The following CDC42BPG variants were observed in gnomAD, a reference collection of about 807,000 sequenced individuals.
CDC42BPG encodes the protein CDC42 binding protein kinase gamma.
A neutral mutation model predicts 192.2 loss-of-function variants in CDC42BPG; 157 were observed. The ratio of observed to expected loss-of-function variants is 0.82; its 90% CI spans 0.72 to 0.93. The LOEUF is 0.93. Ranked by LOEUF, CDC42BPG falls within the 40% of genes least tolerant of loss-of-function variation. CDC42BPG has a pLI of 0.00. For missense variants in CDC42BPG, 1,992 were observed against 2,122.1 expected, an observed-to-expected ratio of 0.94 and a Z score of 1.20; for synonymous variants, 981 against 918.5, an observed-to-expected ratio of 1.07 and a Z score of -1.23.
intron 36 of CDC42BPG, 27 bp from the exon 37 acceptor site, chr11:64,824,556 G>C (rs1338934851): frequency 1.3e-6 from 2 of 1,560,184 alleles, no homozygotes; most frequent in Admixed American, 1.7e-5. Flanking sequence ...AGGAAGTCAA[G>C]GGGTAGGATC....
Position 64,824,509 on chromosome 11 carries a change from G to C in CDC42BPG, c.4620C>G (p.Ser1540Arg). Residue 1540 changes from serine (S) to arginine (R), a missense_variant, in exon 37 of 37, where the codon AGC becomes AGG. Transcript: ENST00000342711. ...TCTCCAATTCAGGGGATAGGGGGAG[G>C]CTTCGGGGCCGTTCTGAGACCTGCA... The part of the protein sequence containing the change: ...SLMQVSERPR[S>R]LPLSPELESS... The C allele has an allele frequency of 6.2e-7, 1 of 1,608,514 alleles. No individual in the cohort carries two copies. The highest frequency in any genetic ancestry group is 8.5e-7 in the Non-Finnish European group (1 of 1,174,890).
rs750631432 is a variant in CDC42BPG at position 64,827,071 on chromosome 11, G to T, written c.4368C>A (p.Pro1456=). The change falls in exon 34 of 37, where the codon CCC becomes CCA. Residue 1456 remains proline, a synonymous_variant. Transcript: ENST00000342711. ...LVHVGPANGR[P]GARDKSPAPE... Reference sequence around the variant, plus strand: ...TAACCGGGGACTTGTCCCTGGCGCCGGGCCGCCCGTTGGCAGGGCCCACGT... The same window carrying T: ...TAACCGGGGACTTGTCCCTGGCGCCTGGCCGCCCGTTGGCAGGGCCCACGT... 3.1e-6 allele frequency: 5 copies of T among 1,612,556 alleles called. No homozygotes were observed. Among genetic ancestry groups the T allele is most frequent in the African/African-American group, 2.7e-5 (2 of 75,004 alleles).
intron 12 of CDC42BPG, 23 bp from the exon 13 acceptor site, chr11:64,836,319 G>C (rs751726060): frequency 1.9e-6 from 3 of 1,608,168 alleles, no homozygotes; most frequent in Non-Finnish European, 2.5e-6. Flanking sequence ...GGGAGGGAGC[G>C]GGGAAGGACA....
Position 64,829,639 on chromosome 11 carries a change from C to T in CDC42BPG, c.3799G>A (p.Glu1267Lys), listed in dbSNP as rs1324343382. 3 of 1,611,660 alleles carry T rather than the reference C, an allele frequency of 1.9e-6. No homozygotes were observed. Among genetic ancestry groups the T allele is most frequent in the East Asian group, 2.2e-5 (1 of 44,834 alleles). ...CCCCCGCGGGATGGTGGCAGCTCCT[C>T]AGGCACCAAACCGGCCCCCAGCGCC... ...PLALGAGLVP[E>K]ELPPSRGGLG... The change falls in exon 30 of 37, where the codon GAG (glutamate) becomes AAG (lysine). Residue 1267 changes from glutamate (E) to lysine (K), a missense_variant. By Grantham distance (56) the Glu-to-Lys change is moderately conservative. Around this residue, in one of 2 missense-constraint regions of CDC42BPG, gnomAD observed 1,656 missense variants for 1,844.3 expected, o/e 0.90. Coordinates refer to ENST00000342711, the MANE Select transcript of CDC42BPG (RefSeq NM_017525.3).
At position 64,840,269 on chromosome 11, in the gene CDC42BPG, C is replaced by T; in HGVS notation, c.433-1G>A. ...CAGCATAGTAGTCCATCACAAGGTA[C>T]TGGAGGTGGCGGACAAGAATCAGAC... On this transcript the variant is annotated splice_acceptor_variant, in intron 4 of 36. Coordinates refer to ENST00000342711, the MANE Select transcript of CDC42BPG (RefSeq NM_017525.3). LOFTEE classifies it high-confidence loss of function. The T allele has an allele frequency of 3.1e-6, 5 of 1,609,652 alleles. No individual in the cohort carries two copies. The highest frequency in any genetic ancestry group is 4.2e-6 in the Non-Finnish European group (5 of 1,179,160).
intron 13 of CDC42BPG, 28 bp downstream of exon 13, chr11:64,836,089 G>A (rs1337021223): frequency 1.3e-6 from 2 of 1,572,824 alleles, no homozygotes; most frequent in East Asian, 2.3e-5. Flanking sequence ...GGGCCCAGGT[G>A]CTGTCCCTAC....
chr11:64,841,857 C>A lies in CDC42BPG; in HGVS notation c.208G>T (p.Asp70Tyr). Residue 70 changes from aspartate (D) to tyrosine (Y), a missense_variant, in exon 2 of 37, where the codon GAC (aspartate) becomes TAC (tyrosine). By Grantham distance (160) the Asp-to-Tyr change is radical. Transcript: ENST00000342711. ...CCGATCACCTTCAAGATCTCAAAGT[C>A]ATCTCTCTGCAGACGCAGTTCTTTC... ...KVKELRLQRD[D>Y]FEILKVIGRG... The A allele has an allele frequency of 6.2e-7, 1 of 1,613,968 alleles. No individual in the cohort carries two copies. Among genetic ancestry groups the A allele is most frequent in the Non-Finnish European group, 8.5e-7 (1 of 1,179,982 alleles).
Position 64,829,815 on chromosome 11 carries a change from A to G in CDC42BPG, c.3623T>C (p.Leu1208Pro). ...CTGCCAGGGCCCAGGGCCCGGGCCCAGCTGGTAGCAGAGCACCTGGCGCTT... is the reference window on the plus strand; with the variant it reads ...CTGCCAGGGCCCAGGGCCCGGGCCCGGCTGGTAGCAGAGCACCTGGCGCTT... ...AVKRQVLCYQ[L>P]GPGPGPWQRR... Residue 1208 changes from leucine to proline, a missense_variant, in exon 30 of 37, where the codon CTG becomes CCG. Leu to Pro is a moderately conservative substitution (Grantham distance 98). Transcript: ENST00000342711. 6.2e-7 allele frequency: 1 copy of G among 1,604,674 alleles called. No homozygotes were observed. Among genetic ancestry groups the G allele is most frequent in the Non-Finnish European group, 8.5e-7 (1 of 1,177,268 alleles).
intron 3 of CDC42BPG, 88 bp downstream of exon 3, chr11:64,841,562 C>A: frequency 3.1e-6 from 3 of 969,584 alleles, no homozygotes; most frequent in Admixed American, 2.0e-5. Context: ...GCCTTGCCCG[C>A]CCCCCCCGCG....
intron 20 of CDC42BPG, 129 bp downstream of exon 20, chr11:64,834,137 G>A: frequency 7.3e-7 from 1 of 1,373,276 alleles, no homozygotes; most frequent in Admixed American, 1.9e-5. Context: ...ACAGATGATG[G>A]AGTAAGCGGC....
rs761947004 is a variant in CDC42BPG, at chr11:64,827,411, T to G, written c.4151-13A>C. The G allele has an allele frequency of 6.2e-7, 1 of 1,612,666 alleles. No individual in the cohort carries two copies. The highest frequency in any genetic ancestry group is 1.1e-5 in the South Asian group (1 of 91,064). Reference sequence around the variant, plus strand: ...AACTCGTCCTTCTCTGTGGGAGAAGTGGAGAGCTGGGCTGTGCTCACACAT... The same window carrying G: ...AACTCGTCCTTCTCTGTGGGAGAAGGGGAGAGCTGGGCTGTGCTCACACAT... On this transcript the variant is annotated splice_polypyrimidine_tract_variant and intron_variant, in intron 32 of 36. Coordinates refer to ENST00000342711, the MANE Select transcript of CDC42BPG (RefSeq NM_017525.3).
chr11:64,833,231 C>A lies in CDC42BPG; in HGVS notation c.2731G>T (p.Ala911Ser). 1 of 1,546,932 alleles carries A rather than the reference C, an allele frequency of 6.5e-7. No homozygotes were observed. Among genetic ancestry groups the A allele is most frequent in the Non-Finnish European group, 8.7e-7 (1 of 1,144,364 alleles). ...GAGCATAGTGGGTGGGGACTCTCAC[C>A]ATCACAACCCAGGCCCTGGCGGCCC... ...GLGRQGLGCDACGYFCHTTCA... is the reference protein window; with the variant it reads ...GLGRQGLGCDSCGYFCHTTCA... The change falls in exon 24 of 37, where the codon GCC becomes TCC. Residue 911 changes from alanine (A) to serine (S), a missense_variant and splice_region_variant. Physicochemically the swap from Ala to Ser is moderately conservative, Grantham distance 99. This residue lies in a region of CDC42BPG where 1,656 missense variants were observed against 1,844.3 expected (regional missense o/e 0.90). Transcript: ENST00000342711.
intron 9 of CDC42BPG, among the ~76,000 whole-genome samples, chr11:64,837,622 C>T (rs1216934843): frequency 4.6e-5 from 7 of 152,150 alleles, no homozygotes; most frequent in Non-Finnish European, 5.9e-5. Flanking sequence ...CCACCACGCC[C>T]GGCTAATTTT....
intron 30 of CDC42BPG, among the ~76,000 whole-genome samples, chr11:64,828,878 C>T (rs1942555374): frequency 6.6e-6 from 1 of 152,134 alleles, no homozygotes; most frequent in South Asian, 2.1e-4. Flanking sequence ...GGTGAAACCC[C>T]GTCTCCACTA....
chr11:64,843,201 G>A (rs1226630551), intron 1 of CDC42BPG, among the ~76,000 whole-genome samples: 4 of 152,058 alleles, frequency 2.6e-5, no homozygotes, highest in African/African-American at 7.2e-5. Context: ...AGCAGGAGAG[G>A]AATGAGTCAC....
At chr11:64,838,198 A>G in intron 8 of CDC42BPG, 36 bp from the exon 9 acceptor site, 1 of 1,520,972 alleles carries the variant, frequency 6.6e-7, no homozygotes, top group South Asian at 1.2e-5. Context: ...CAGAGTCCAC[A>G]GGCCAAGGCC....
In CDC42BPG at chr11:64,827,787, CG is replaced by C. The variant is rs1565670779; in HGVS notation, c.3968-5del. 1.3e-6 allele frequency: 2 copies of C among 1,599,544 alleles called. No individual in the cohort carries two copies. Among genetic ancestry groups the C allele is most frequent in the Non-Finnish European group, 1.7e-6 (2 of 1,172,504 alleles). On this transcript the variant is annotated splice_region_variant and splice_polypyrimidine_tract_variant and intron_variant, in intron 30 of 36. Transcript: ENST00000342711. ...GTCAGGTAGGGGGCCGCATACCCTG[CG>C]GGCACGCCAGGCACCTCTGAGCTGT...
chr11:64,824,624 C>T, intron 36 of CDC42BPG, 95 bp from the exon 37 acceptor site: 2 of 783,434 alleles, frequency 2.6e-6, no homozygotes, highest in Non-Finnish European at 4.3e-6. Flanking sequence ...TAGGACCCAT[C>T]ACCCACTGTA....
chr11:64,840,236 G>A lies in CDC42BPG; in HGVS notation c.465C>T (p.Asp155=). 4 of 1,612,788 alleles carry A rather than the reference G, an allele frequency of 2.5e-6. No individual in the cohort carries two copies. Among genetic ancestry groups the A allele is most frequent in the Non-Finnish European group, 3.4e-6 (4 of 1,180,004 alleles). The change falls in exon 5 of 37, where the codon GAC becomes GAT. Residue 155 remains aspartate, a synonymous_variant. Transcript: ENST00000342711. Reference sequence around the variant, plus strand: ...CGAAGCGGCTCAGCAGCGTCAGGAGGTCCCCACCAGCATAGTAGTCCATCA... The same window carrying A: ...CGAAGCGGCTCAGCAGCGTCAGGAGATCCCCACCAGCATAGTAGTCCATCA... ...YLVMDYYAGG[D]LLTLLSRFED...
Sources: allele counts gnomAD v4.1 joint callset (sites outside exome capture counted in the v4.1 genomes callset), GRCh38; gene constraint gnomAD v4.1.1; regional missense constraint gnomAD v4.1.1; transcripts MANE v1.5; gene names NCBI Gene and HGNC (gene_info 2026-07-23, HGNC 2026-07-21).